Variants in ANO6 observed in about 807,000 individuals in gnomAD.
The protein encoded by ANO6 is anoctamin-6.
Under a neutral mutation model 117.5 loss-of-function variants are expected in ANO6, and 106 were observed. The ratio of observed to expected loss-of-function variants is 0.90; its 90% CI spans 0.77 to 1.06. ANO6 has a LOEUF of 1.06. Ranked by LOEUF, ANO6 falls within the 50% of genes least tolerant of loss-of-function variation. The pLI is 0.00. For synonymous variants in ANO6, 367 were observed against 385.1 expected, an observed-to-expected ratio of 0.95 and a Z score of 0.55; for missense variants, 955 against 1,121.1, an observed-to-expected ratio of 0.85 and a Z score of 2.12.
intron 13 of ANO6, among the ~76,000 whole-genome samples, chr12:45,402,430 C>A (rs1174313712): frequency 6.6e-6 from 1 of 152,174 alleles, no homozygotes; most frequent in Admixed American, 6.5e-5. Flanking sequence ...CTGTGCTGTT[C>A]ATATTAATAT....
chr12:45,242,850 G>A (rs1455633305), intron 1 of ANO6, among the ~76,000 whole-genome samples: 1 of 152,024 alleles, frequency 6.6e-6, no homozygotes, highest in Non-Finnish European at 1.5e-5. Context: ...ATACCTTTGG[G>A]TAAAAAAGGT....
At chr12:45,378,870 TATA>T (rs984244451) in intron 10 of ANO6, among the ~76,000 whole-genome samples, 19 of 152,210 alleles carry the variant, frequency 1.2e-4, no homozygotes, top group African/African-American at 4.3e-4. Flanking sequence ...CTGCTACTCG[TATA>T]ATAACAACAA....
intron 9 of ANO6, among the ~76,000 whole-genome samples, chr12:45,373,927 G>A (rs1941924271): frequency 6.6e-6 from 1 of 152,152 alleles, no homozygotes; most frequent in African/African-American, 2.4e-5. Context: ...CCAGGAGCAT[G>A]TTTTTTGAAA....
intron 2 of ANO6, among the ~76,000 whole-genome samples, chr12:45,328,743 G>C (rs1194020592): frequency 6.6e-6 from 1 of 152,036 alleles, no homozygotes; most frequent in Non-Finnish European, 1.5e-5. Context: ...TTTAGTAGTT[G>C]TCTATTATTA....
intron 1 of ANO6, among the ~76,000 whole-genome samples, chr12:45,219,984 CAA>C (rs1272056406): frequency 3.3e-5 from 5 of 152,180 alleles, no homozygotes; most frequent in Non-Finnish European, 5.9e-5. Flanking sequence ...GCCAAGTGTG[CAA>C]AAGAGTGTCC....
At chr12:45,411,282 A>C (rs1270381056) in intron 16 of ANO6, among the ~76,000 whole-genome samples, 2 of 152,236 alleles carry the variant, frequency 1.3e-5, no homozygotes, top group Non-Finnish European at 2.9e-5. Context: ...TTATCAACCA[A>C]ATAATTCTGC....
intron 1 of ANO6, among the ~76,000 whole-genome samples, chr12:45,235,604 A>G (rs1947633557): frequency 6.6e-6 from 1 of 152,230 alleles, no homozygotes; most frequent in African/African-American, 2.4e-5. Context: ...GCTTGGTGGT[A>G]TGCCGCCTTT....
intron 15 of ANO6, among the ~76,000 whole-genome samples, chr12:45,407,809 A>G (rs1406387867): frequency 6.6e-6 from 1 of 152,182 alleles, no homozygotes; most frequent in Non-Finnish European, 1.5e-5. Flanking sequence ...GCCCTGGGCA[A>G]TGTAGGTTTT....
chr12:45,285,736 A>AAAAAAG (rs1339971174), intron 1 of ANO6, among the ~76,000 whole-genome samples: 4 of 152,040 alleles, frequency 2.6e-5, no homozygotes, highest in African/African-American at 4.8e-5. Flanking sequence ...TCAAAAAAAA[A>AAAAAAG]AAAAAGAAAA....
intron 1 of ANO6, among the ~76,000 whole-genome samples, chr12:45,243,405 C>T (rs1250661379): frequency 6.6e-6 from 1 of 152,196 alleles, no homozygotes; most frequent in African/African-American, 2.4e-5. Flanking sequence ...GCATTCTAAA[C>T]TTCTAAAATT....
intron 1 of ANO6, among the ~76,000 whole-genome samples, chr12:45,227,623 CT>C (rs199563952): frequency 8.1e-5 from 12 of 148,338 alleles, no homozygotes; most frequent in Admixed American, 2.0e-4. Flanking sequence ...TTTTCTTTTT[CT>C]TTTTTTTTTA....
At chr12:45,369,731 TG>T (rs1376214609) in intron 9 of ANO6, among the ~76,000 whole-genome samples, 2 of 152,210 alleles carry the variant, frequency 1.3e-5, no homozygotes. Flanking sequence ...ATCTTTCTTT[TG>T]GAAAGAGTAC....
intron 1 of ANO6, among the ~76,000 whole-genome samples, chr12:45,230,319 G>A (rs1947555677): frequency 6.6e-6 from 1 of 151,880 alleles, no homozygotes; most frequent in African/African-American, 2.4e-5. Flanking sequence ...ACCTGGTCTT[G>A]AGCAGCTTCT....
chr12:45,249,834 A>C (rs994114956), intron 1 of ANO6, among the ~76,000 whole-genome samples: 9 of 152,196 alleles, frequency 5.9e-5, no homozygotes, highest in Non-Finnish European at 4.4e-5. Flanking sequence ...TTCCTTTTAA[A>C]ACAACTGCCA....
intron 9 of ANO6, among the ~76,000 whole-genome samples, 166 bp from the exon 10 acceptor site, chr12:45,377,887 G>A (rs186167393): frequency 1.3e-3 from 203 of 152,286 alleles, no homozygotes; most frequent in African/African-American, 3.2e-3. Context: ...TCATCTATAA[G>A]TATGTAGTGG....
chr12:45,317,261 T>C (rs1940076564), intron 2 of ANO6, among the ~76,000 whole-genome samples: 1 of 98,926 alleles, frequency 1.0e-5, no homozygotes, highest in Non-Finnish European at 2.2e-5. Context: ...CCTAATGCTA[T>C]CCCTCCCCCC....
At chr12:45,383,631 A>G (rs1433197728) in intron 10 of ANO6, among the ~76,000 whole-genome samples, 1 of 152,242 alleles carries the variant, frequency 6.6e-6, no homozygotes, top group Non-Finnish European at 1.5e-5. Context: ...ATCTCTGTAC[A>G]TCTCCATCAG....
chr12:45,342,082 C>T (rs1940995926), intron 3 of ANO6, among the ~76,000 whole-genome samples: 1 of 152,062 alleles, frequency 6.6e-6, no homozygotes, highest in Non-Finnish European at 1.5e-5. Context: ...CCAAACATCA[C>T]AGAGCTAGTA....
At position 45,216,234 on chromosome 12, in the gene ANO6, C is replaced by G. The variant is rs1375773504; in HGVS notation, c.-88C>G. ...CAAGCGACACACGCCCCGCGGTCCC[C>G]GATCCGGCCCCTGGGAGAGCCGCGC... On this transcript the variant is annotated 5_prime_UTR_variant, in exon 1 of 20. Transcript: ENST00000320560. 6.8e-7 allele frequency: 1 copy of G among 1,467,046 alleles called. No homozygotes were observed. Among genetic ancestry groups the G allele is most frequent in the African/African-American group, 1.4e-5 (1 of 71,130 alleles). 90.9% of individuals were successfully genotyped at this position (1,467,046 alleles called of 1,614,324 possible).
Sources: allele counts gnomAD v4.1 joint callset (sites outside exome capture counted in the v4.1 genomes callset), GRCh38; gene constraint gnomAD v4.1.1; transcripts MANE v1.5; gene names NCBI Gene and HGNC (gene_info 2026-07-23, HGNC 2026-07-21).